The following AP1G1 variants were observed in gnomAD, a reference collection of about 807,000 sequenced individuals.
The protein encoded by AP1G1 is AP-1 complex subunit gamma-1.
Under a neutral mutation model 108.3 loss-of-function variants are expected in AP1G1, and 7 were observed. The observed-to-expected ratio is 0.06, with a 90% CI of 0.04 to 0.12. The LOEUF (loss-of-function observed/expected upper bound fraction) is 0.12. Among genes scored for constraint, AP1G1 ranks in the 10% least tolerant of loss-of-function variants. AP1G1 has a pLI of 1.00. For missense variants in AP1G1, 756 were observed against 1,010.7 expected (o/e 0.75, Z 3.42); for synonymous variants, 379 against 353.5 (o/e 1.07, Z -0.81).
chr16:71,800,497 C>G (rs1368312411), intron 1 of AP1G1, among the ~76,000 whole-genome samples: 1 of 150,950 alleles, frequency 6.6e-6, no homozygotes, highest in Non-Finnish European at 1.5e-5. Context: ...GCCTGACCAA[C>G]ATGGAGAAAC....
At chr16:71,808,420 G>T in intron 1 of AP1G1, 1 of 1,135,126 alleles carries the variant, frequency 8.8e-7, no homozygotes, top group Non-Finnish European at 1.1e-6. Context: ...CGGGGGTGGG[G>T]CCCGCCCCGC....
chr16:71,772,213 C>A (rs1348811957), intron 4 of AP1G1, among the ~76,000 whole-genome samples: 1 of 151,934 alleles, frequency 6.6e-6, no homozygotes, highest in Admixed American at 6.6e-5. Context: ...TCACTGCAAG[C>A]TCCGCCTCCT....
intron 1 of AP1G1, among the ~76,000 whole-genome samples, chr16:71,790,527 C>CAAAAAA (rs56380847): frequency 9.5e-6 from 1 of 104,838 alleles, no homozygotes. Flanking sequence ...AACTCCATCT[C>CAAAAAA]AAAAAAAAAA....
At chr16:71,772,662 C>T (rs1034322859) in intron 4 of AP1G1, among the ~76,000 whole-genome samples, 1 of 152,180 alleles carries the variant, frequency 6.6e-6, no homozygotes, top group African/African-American at 2.4e-5. Context: ...CCAAACAGAT[C>T]ACAGTTTATG....
intron 2 of AP1G1, among the ~76,000 whole-genome samples, chr16:71,787,360 G>A (rs2145520466): frequency 6.6e-6 from 1 of 150,932 alleles, no homozygotes; most frequent in African/African-American, 2.4e-5. Flanking sequence ...TGGGTGTGGT[G>A]CCATGCACCT....
intron 15 of AP1G1, among the ~76,000 whole-genome samples, chr16:71,748,745 T>C (rs539684669): frequency 6.6e-6 from 1 of 152,296 alleles, no homozygotes; most frequent in African/African-American, 2.4e-5. Context: ...TCCTTTAATG[T>C]GCAAATAAGA....
At chr16:71,735,915 G>A (rs909348968) in intron 21 of AP1G1, among the ~76,000 whole-genome samples, 13 of 150,678 alleles carry the variant, frequency 8.6e-5, no homozygotes, top group Non-Finnish European at 1.8e-4. Flanking sequence ...CAGATCACCT[G>A]AGGTCAGGAG....
chr16:71,808,606 C>T (rs773009668), intron 1 of AP1G1, 157 bp downstream of exon 1: 2 of 1,289,468 alleles, frequency 1.6e-6, no homozygotes, highest in African/African-American at 1.5e-5. Flanking sequence ...CCCTGGGGCT[C>T]CCGGCCTCTC....
chr16:71,791,225 CAAAAAAAAAAAACAA>C (rs1567661934), intron 1 of AP1G1, among the ~76,000 whole-genome samples: 1 of 111,200 alleles, frequency 9.0e-6, no homozygotes, highest in South Asian at 2.8e-4. Flanking sequence ...CTCAAAAAAA[CAAAAAAAAAAAACAA>C]AAAAAACAAA....
chr16:71,740,063 G>A (rs541564894), intron 19 of AP1G1, among the ~76,000 whole-genome samples: 3 of 152,248 alleles, frequency 2.0e-5, no homozygotes, highest in Admixed American at 6.5e-5. Flanking sequence ...CCAGATGTTG[G>A]CAAGAAGATG....
At chr16:71,740,599 T>A (rs757241732) in intron 19 of AP1G1, among the ~76,000 whole-genome samples, 21 of 152,204 alleles carry the variant, frequency 1.4e-4, no homozygotes, top group Admixed American at 2.0e-4. Context: ...GAAATACACT[T>A]AACATGGATT....
At chr16:71,762,696 C>T (rs965726430) in intron 9 of AP1G1, among the ~76,000 whole-genome samples, 3 of 152,244 alleles carry the variant, frequency 2.0e-5, no homozygotes, top group Non-Finnish European at 2.9e-5. Context: ...CTCCTTCCCA[C>T]ATGCCTTGCC....
intron 2 of AP1G1, 72 bp downstream of exon 2, chr16:71,789,207 A>C: frequency 7.0e-7 from 1 of 1,422,962 alleles, no homozygotes; most frequent in Non-Finnish European, 9.7e-7. Flanking sequence ...TCCCCACCAG[A>C]AAAAGATGGA....
chr16:71,742,774 A>G (rs1344558385), intron 19 of AP1G1: 1 of 152,206 alleles, frequency 6.6e-6, no homozygotes. Flanking sequence ...GTTCAAGACC[A>G]GCCTGGCCAA....
At position 71,750,300 on chromosome 16, in the gene AP1G1, G is replaced by A. The variant is rs1363169473; in HGVS notation, c.1317C>T (p.Pro439=). ...TATTAGTTATTAACTGGATTAAATT[G>A]GGGACTGCATCATCACGAACATAAC... is the stretch of plus-strand genomic sequence containing the variant. ...AGSYVRDDAV[P]NLIQLITNSV... The change falls in exon 14 of 23, where the codon CCC becomes CCT. Residue 439 remains proline (P), a synonymous_variant. Coordinates refer to ENST00000299980, the MANE Select transcript of AP1G1 (RefSeq NM_001128.6). The A allele has an allele frequency of 6.2e-7, 1 of 1,614,008 alleles. No homozygotes were observed. The highest frequency in any genetic ancestry group is 8.5e-7 in the Non-Finnish European group (1 of 1,179,970).
chr16:71,795,845 C>T (rs1185066737), intron 1 of AP1G1, among the ~76,000 whole-genome samples: 1 of 152,046 alleles, frequency 6.6e-6, no homozygotes, highest in Non-Finnish European at 1.5e-5. Context: ...ACCTATTTCC[C>T]CTATATGAAG....
chr16:71,765,742 G>T, intron 6 of AP1G1, 158 bp from the exon 7 acceptor site: 1 of 600,990 alleles, frequency 1.7e-6, no homozygotes, highest in Non-Finnish European at 3.0e-6. Context: ...GATAAACTTA[G>T]GAGTAACTTA....
chr16:71,769,343 T>C (rs2031476875), intron 6 of AP1G1, among the ~76,000 whole-genome samples: 1 of 152,008 alleles, frequency 6.6e-6, no homozygotes, highest in African/African-American at 2.4e-5. Context: ...ATCATGTTTC[T>C]TGACTCAAAT....
chr16:71,808,627 T>C (rs2033083380), intron 1 of AP1G1, 136 bp downstream of exon 1: 7 of 1,289,666 alleles, frequency 5.4e-6, no homozygotes, highest in Non-Finnish European at 7.1e-6. Context: ...CTGGCCCAGC[T>C]TCTCTGTCTT....
Sources: gnomAD v4.1 joint callset for allele counts (sites outside exome capture counted in the v4.1 genomes callset) on GRCh38, gnomAD v4.1.1 for gene constraint, MANE v1.5 for transcripts, NCBI Gene and HGNC (gene_info 2026-07-23, HGNC 2026-07-21) for gene names.